Variants in SLC22A24 observed in about 807,000 individuals in gnomAD.
SLC22A24 encodes solute carrier family 22 member 24.
A neutral mutation model predicts 49.8 loss-of-function variants in SLC22A24; 53 were observed. The observed-to-expected ratio is 1.06, with a 90% confidence interval of 0.85 to 1.34. The LOEUF (loss-of-function observed/expected upper bound fraction) is 1.34. Ranked by LOEUF, SLC22A24 falls within the 40% of genes most tolerant of loss-of-function variation. SLC22A24 has a pLI of 0.00. For missense variants in SLC22A24, 786 were observed against 675.9 expected (o/e 1.16, Z -1.81); for synonymous variants, 302 against 256.4 (o/e 1.18, Z -1.70).
At chr11:63,105,985 G>C (rs1337988619) in intron 4 of SLC22A24, among the ~76,000 whole-genome samples, 1 of 151,654 alleles carries the variant, frequency 6.6e-6, no homozygotes, top group Admixed American at 6.6e-5. Flanking sequence ...CAATGTGCAG[G>C]TTTGTTACAT....
At chr11:63,128,525 G>A (rs970756998) in intron 2 of SLC22A24, among the ~76,000 whole-genome samples, 2 of 152,174 alleles carry the variant, frequency 1.3e-5, no homozygotes, top group Non-Finnish European at 2.9e-5. Context: ...TCCCTGTGAT[G>A]CTGTGTTTCA....
intron 2 of SLC22A24, among the ~76,000 whole-genome samples, chr11:63,133,419 G>A (rs1048127928): frequency 2.0e-5 from 3 of 148,196 alleles, no homozygotes; most frequent in African/African-American, 7.5e-5. Context: ...GCTGCAGACC[G>A]GAGCTATTCC....
At chr11:63,083,601 T>C (rs867226229) in intron 6 of SLC22A24, 144 bp from the exon 7 acceptor site, 3 of 642,394 alleles carry the variant, frequency 4.7e-6, no homozygotes, top group Middle Eastern at 3.6e-4. Flanking sequence ...AAAAAAGGGA[T>C]CATTCTGTTT....
At chr11:63,098,721 G>C (rs1013890269) in intron 5 of SLC22A24, among the ~76,000 whole-genome samples, 1 of 152,002 alleles carries the variant, frequency 6.6e-6, no homozygotes, top group Non-Finnish European at 1.5e-5. Flanking sequence ...CTAATGATGT[G>C]TCTTACAGAA....
intron 6 of SLC22A24, among the ~76,000 whole-genome samples, chr11:63,093,404 G>A (rs963533235): frequency 6.6e-6 from 1 of 152,034 alleles, no homozygotes; most frequent in Non-Finnish European, 1.5e-5. Context: ...TATGTTTATT[G>A]CAGCACTATT....
chr11:63,117,200 A>G (rs2087218283), intron 4 of SLC22A24, among the ~76,000 whole-genome samples: 1 of 152,092 alleles, frequency 6.6e-6, no homozygotes, highest in South Asian at 2.1e-4. Context: ...AATTCTGGAA[A>G]TCATATTCTT....
chr11:63,123,992 G>A (rs2087270558), intron 2 of SLC22A24, among the ~76,000 whole-genome samples: 1 of 152,126 alleles, frequency 6.6e-6, no homozygotes, highest in African/African-American at 2.4e-5. Flanking sequence ...CTTGGGTGAA[G>A]GCACCACCAG....
At chr11:63,113,868 A>G (rs1256947481) in intron 4 of SLC22A24, among the ~76,000 whole-genome samples, 1 of 151,600 alleles carries the variant, frequency 6.6e-6, no homozygotes, top group African/African-American at 2.4e-5. Context: ...AAAAAAAAAA[A>G]AAAGGAATGT....
intron 1 of SLC22A24, 64 bp downstream of exon 1, chr11:63,143,314 T>C: frequency 7.4e-7 from 1 of 1,343,708 alleles, no homozygotes; most frequent in Non-Finnish European, 9.7e-7. Context: ...AGCAAGTCAA[T>C]TTTTTTGTGT....
rs768119348 is a variant in SLC22A24, at chr11:63,119,279, G to T, written c.563C>A (p.Thr188Asn). The T allele has an allele frequency of 6.4e-7, 1 of 1,551,278 alleles. No homozygotes were observed. The highest frequency in any genetic ancestry group is 1.2e-5 in the South Asian group (1 of 83,948). ...GAAGGTGGGAGCGAAGGCCGCACAG[G>T]TGTTAGAGATGGCCAGCTGGAGGAA... ...LCFLQLAISN[T>N]CAAFAPTFLV... The change falls in exon 3 of 10, where the codon ACC becomes AAC. Residue 188 changes from threonine to asparagine, a missense_variant. Coordinates refer to ENST00000612278, the MANE Select transcript of SLC22A24 (RefSeq NM_001136506.2).
intron 4 of SLC22A24, chr11:63,116,128 C>T (rs2087211340): frequency 7.0e-6 from 3 of 428,788 alleles, no homozygotes; most frequent in Non-Finnish European, 8.0e-6. Context: ...GCCTTGATAG[C>T]CTTGGCATGT....
At chr11:63,113,417 C>T (rs949497373) in intron 4 of SLC22A24, among the ~76,000 whole-genome samples, 2 of 151,652 alleles carry the variant, frequency 1.3e-5, no homozygotes, top group Non-Finnish European at 2.9e-5. Context: ...ATGTTTAGTG[C>T]TTCCTTCAGG....
intron 6 of SLC22A24, among the ~76,000 whole-genome samples, chr11:63,085,943 T>C (rs2086984707): frequency 6.6e-6 from 1 of 152,204 alleles, no homozygotes; most frequent in Non-Finnish European, 1.5e-5. Context: ...AGTCTGGTTG[T>C]CACTCTCCTA....
chr11:63,111,202 C>A (rs2087161345), intron 4 of SLC22A24, among the ~76,000 whole-genome samples: 2 of 151,844 alleles, frequency 1.3e-5, no homozygotes, highest in South Asian at 4.2e-4. Flanking sequence ...ATGAAGCCCA[C>A]TTGATCATGG....
chr11:63,117,377 C>A (rs2087219151), intron 4 of SLC22A24, among the ~76,000 whole-genome samples: 1 of 152,134 alleles, frequency 6.6e-6, no homozygotes, highest in African/African-American at 2.4e-5. Context: ...TGTCTGCAAC[C>A]AATACTTCTC....
chr11:63,143,232 C>T (rs1480385143), intron 1 of SLC22A24, 146 bp downstream of exon 1: 1 of 548,254 alleles, frequency 1.8e-6, no homozygotes, highest in Non-Finnish European at 2.9e-6. Context: ...AATAGATAAT[C>T]AGGTGCTGCC....
intron 6 of SLC22A24, among the ~76,000 whole-genome samples, chr11:63,092,381 T>A (rs2087025631): frequency 9.1e-6 from 1 of 110,194 alleles, no homozygotes; most frequent in South Asian, 3.3e-4. Flanking sequence ...TGACTTTCTT[T>A]GTAGAATTAG....
intron 6 of SLC22A24, among the ~76,000 whole-genome samples, chr11:63,085,239 A>G (rs2086980742): frequency 6.6e-6 from 1 of 152,146 alleles, no homozygotes; most frequent in Non-Finnish European, 1.5e-5. Flanking sequence ...TATTACTTAG[A>G]GATAAATACC....
At chr11:63,081,869 T>A (rs1382066655) in intron 7 of SLC22A24, among the ~76,000 whole-genome samples, 1 of 152,168 alleles carries the variant, frequency 6.6e-6, no homozygotes, top group Non-Finnish European at 1.5e-5. Context: ...GAATAAAGGA[T>A]CTCAATCTCA....
Sources: gnomAD v4.1 joint callset for allele counts (sites outside exome capture counted in the v4.1 genomes callset) on GRCh38, gnomAD v4.1.1 for gene constraint, MANE v1.5 for transcripts, NCBI Gene and HGNC (gene_info 2026-07-23, HGNC 2026-07-21) for gene names.